The following MYO1F variants were observed in gnomAD, a reference collection of about 807,000 sequenced individuals.
MYO1F encodes the protein unconventional myosin-If.
A neutral mutation model predicts 146.6 loss-of-function variants in MYO1F; 60 were observed. That is an observed-to-expected ratio of 0.41 (90% CI 0.33 to 0.51). The LOEUF is 0.51. MYO1F is among the 20% of genes least tolerant of loss of function. The pLI is 0.25. For synonymous variants in MYO1F, 602 were observed against 602.1 expected, an observed-to-expected ratio of 1.00 and a Z score of 0.00; for missense variants, 1,274 against 1,534.3, an observed-to-expected ratio of 0.83 and a Z score of 2.83.
At chr19:8,545,963 G>A (rs1035304889) in intron 12 of MYO1F, among the ~76,000 whole-genome samples, 15 of 151,686 alleles carry the variant, frequency 9.9e-5, no homozygotes, top group East Asian at 3.9e-4. Flanking sequence ...CAGCTCCCTC[G>A]CTTCTCCGCT....
At position 8,565,597 on chromosome 19, in the gene MYO1F, T is replaced by C. The variant is rs1179952427; in HGVS notation, c.4-9801A>G. On this transcript the variant is annotated intron_variant, in intron 1 of 27. Coordinates refer to ENST00000644032, the MANE Select transcript of MYO1F (RefSeq NM_012335.4). ...ATAAATAATTGTGGGCAAAGTGGCATCATTCATGGGCCTAGTGGGGCAGGA... is the reference window on the plus strand; with the variant it reads ...ATAAATAATTGTGGGCAAAGTGGCACCATTCATGGGCCTAGTGGGGCAGGA... Among the ~76,000 whole-genome samples the C allele has an allele frequency of 3.3e-5, 5 of 151,794 alleles. No homozygotes were observed. In the South Asian group the frequency reaches 6.3e-4, roughly 19 times the overall value.
chr19:8,530,563 A>G lies in MYO1F; in HGVS notation c.2054T>C (p.Leu685Pro). 1 of 1,611,706 alleles carries G rather than the reference A, an allele frequency of 6.2e-7. No individual in the cohort carries two copies. Among genetic ancestry groups the G allele is most frequent in the Non-Finnish European group, 8.5e-7 (1 of 1,179,964 alleles). Reference sequence around the variant, plus strand: ...GAACTTTCGCTCTCGCACCTCCTCCAGGAGGAAAAGCTGGGCGGGGGTCGT... The same window carrying G: ...GAACTTTCGCTCTCGCACCTCCTCCGGGAGGAAAAGCTGGGCGGGGGTCGT... ...FVKNPESLFL[L>P]EEVRERKFDG... The change falls in exon 20 of 28, where the codon CTG becomes CCG. Residue 685 changes from leucine (L) to proline (P), a missense_variant. Physicochemically the swap from Leu to Pro is moderately conservative, Grantham distance 98. This residue lies in a region of MYO1F where 900 missense variants were observed against 1,155.1 expected (regional missense o/e 0.78). Coordinates refer to ENST00000644032, the MANE Select transcript of MYO1F (RefSeq NM_012335.4). The surrounding 1 kb of genome is among the most constrained non-coding windows in gnomAD (Gnocchi z 5.8).
At chr19:8,555,637 C>T (rs777036772) in intron 2 of MYO1F, 22 bp downstream of exon 2, 6 of 1,613,986 alleles carry the variant, frequency 3.7e-6, no homozygotes, top group South Asian at 1.1e-5. Context: ...GCCTGCCCAC[C>T]CCCAGCCTTG....
chr19:8,566,161 C>CTTTTTT (rs781059040), intron 1 of MYO1F, among the ~76,000 whole-genome samples: 51 of 78,348 alleles, frequency 6.5e-4, no homozygotes, highest in East Asian at 1.0e-3. Flanking sequence ...CAGTCTATGT[C>CTTTTTT]TTTTTTTTTT....
At chr19:8,553,894 A>ACACACACACACACACACTCTCTCTCTCT in intron 4 of MYO1F, among the ~76,000 whole-genome samples, 96 of 102,620 alleles carry the variant, frequency 9.4e-4, no homozygotes, top group Admixed American at 1.4e-3. Flanking sequence ...ACACACACAC[A>ACACACACACACACACACTCTCTCTCTCT]CTCTCTCTCT....
intron 25 of MYO1F, among the ~76,000 whole-genome samples, chr19:8,524,118 C>CTAAA (rs1972168689): frequency 2.2e-5 from 1 of 46,018 alleles, no homozygotes. Context: ...GACACCGTCT[C>CTAAA]AAAAAAAAAA....
At chr19:8,537,521 A>C (rs1972780540) in intron 16 of MYO1F, among the ~76,000 whole-genome samples, 1 of 152,108 alleles carries the variant, frequency 6.6e-6, no homozygotes, top group Admixed American at 6.6e-5. Context: ...GGCTCACTGC[A>C]ACCTCCACCA....
At chr19:8,573,080 G>A (rs908604242) in intron 1 of MYO1F, among the ~76,000 whole-genome samples, 7 of 152,036 alleles carry the variant, frequency 4.6e-5, no homozygotes, top group South Asian at 4.1e-4. Context: ...AGGCTGAGGC[G>A]GGCAGATCAC....
intron 1 of MYO1F, among the ~76,000 whole-genome samples, chr19:8,563,100 T>A (rs2041935718): frequency 6.6e-6 from 1 of 151,684 alleles, no homozygotes; most frequent in Non-Finnish European, 1.5e-5. Context: ...CAAGTGATTG[T>A]CCTGTCTCAG....
intron 1 of MYO1F, among the ~76,000 whole-genome samples, chr19:8,561,376 CCCTT>C (rs1555729023): frequency 2.6e-5 from 2 of 75,962 alleles, no homozygotes; most frequent in Non-Finnish European, 5.9e-5. Context: ...CTCCCTCCCT[CCCTT>C]CCCCCCTTCT....
intron 13 of MYO1F, among the ~76,000 whole-genome samples, chr19:8,545,213 G>A (rs1190975708): frequency 6.6e-6 from 1 of 151,908 alleles, no homozygotes; most frequent in South Asian, 2.1e-4. Context: ...TCAGCCTTCC[G>A]GGTAGCTGGG....
rs143347435 is a variant in MYO1F, at chr19:8,530,584, G to T, written c.2044-11C>A. 1 of 1,603,816 alleles carries T rather than the reference G, an allele frequency of 6.2e-7. No individual in the cohort carries two copies. Among genetic ancestry groups the T allele is most frequent in the African/African-American group, 1.3e-5 (1 of 74,940 alleles). On this transcript the variant is annotated splice_polypyrimidine_tract_variant and intron_variant, in intron 19 of 27. Coordinates refer to ENST00000644032, the MANE Select transcript of MYO1F (RefSeq NM_012335.4). The surrounding 1 kb of genome is among the most constrained non-coding windows in gnomAD (Gnocchi z 5.8). Reference sequence around the variant, plus strand: ...CTCCAGGAGGAAAAGCTGGGCGGGGGTCGTGGGGGGCAAGGGTGAGTCCTG... The same window carrying T: ...CTCCAGGAGGAAAAGCTGGGCGGGGTTCGTGGGGGGCAAGGGTGAGTCCTG...
chr19:8,550,115 G>T (rs886975833), intron 10 of MYO1F, 45 bp downstream of exon 10: 3 of 1,601,334 alleles, frequency 1.9e-6, no homozygotes, highest in South Asian at 1.1e-5. Flanking sequence ...AAATGTTTGT[G>T]ACCCCAGAGC....
Position 8,524,853 on chromosome 19 carries a change from C to T in MYO1F, c.2854+626G>A, listed in dbSNP as rs753496911. 8.5e-5 allele frequency among the ~76,000 whole-genome samples: 13 copies of T among 152,220 alleles called. No individual in the cohort carries two copies. The South Asian group carries it at 1.2e-3, about 15-fold the overall frequency. On this transcript the variant is annotated intron_variant, in intron 25 of 27. Transcript: ENST00000644032. ...GAATTTGAGAGAGAAGCAGAGAAAA[C>T]GGCCCAAAGGCCTGGAGGTAAGAAT...
In MYO1F at chr19:8,551,152, A is replaced by G. The variant is rs528169101; in HGVS notation, c.772-458T>C. On this transcript the variant is annotated intron_variant, in intron 8 of 27. Coordinates refer to ENST00000644032, the MANE Select transcript of MYO1F (RefSeq NM_012335.4). ...CTGCAACCTCCACCTCCCGGGTTTA[A>G]GCGATTCTCCTGCCTCAGCCTCCCT... Among the ~76,000 whole-genome samples the G allele has an allele frequency of 3.3e-5, 5 of 151,758 alleles. No homozygotes were observed. In the South Asian group the frequency reaches 1.0e-3, roughly 32 times the overall value.
intron 19 of MYO1F, among the ~76,000 whole-genome samples, chr19:8,532,111 C>T (rs1599925159): frequency 2.6e-5 from 4 of 151,572 alleles, no homozygotes; most frequent in African/African-American, 4.9e-5. Context: ...GAGTGAGACT[C>T]AGTCCCCCGA....
At chr19:8,556,512 G>T (rs894968520) in intron 1 of MYO1F, among the ~76,000 whole-genome samples, 3 of 150,178 alleles carry the variant, frequency 2.0e-5, no homozygotes, top group Non-Finnish European at 4.4e-5. Context: ...GAAAGAGAAA[G>T]AAAGAGAAAG....
At position 8,574,581 on chromosome 19, in the gene MYO1F, CTCTCTCTCTCTCTCTCTTTCTTTCTT is replaced by C. The variant is rs1600072288; in HGVS notation, c.3+2700_3+2725del. 3.2e-4 allele frequency among the ~76,000 whole-genome samples: 31 copies of C among 97,348 alleles called. No homozygotes were observed. In the East Asian group the frequency reaches 6.7e-3, roughly 21 times the overall value. 63.9% of individuals were successfully genotyped at this position (97,348 alleles called of 152,430 possible). A position where few individuals can be genotyped will look rare whatever the true frequency, so the allele number is the denominator to read the frequency against. On this transcript the variant is annotated intron_variant, in intron 1 of 27. Transcript: ENST00000644032. ...TTTCTTTCTTTCTTTCTTTCTTTCT[CTCTCTCTCTCTCTCTCTTTCTTTCTT>C]TCTTTCTTTCTTTCTTTCTTTCTTT...
intron 1 of MYO1F, among the ~76,000 whole-genome samples, chr19:8,571,253 C>T (rs551940179): frequency 7.9e-5 from 12 of 152,346 alleles, no homozygotes; most frequent in African/African-American, 2.4e-4. Flanking sequence ...CCAGACCCTG[C>T]CCTGGTGCCT....
Sources: gnomAD v4.1 joint callset for allele counts (sites outside exome capture counted in the v4.1 genomes callset) on GRCh38, gnomAD v4.1.1 for gene constraint, gnomAD v4.1.1 regional missense constraint, Gnocchi (gnomAD v3.1) non-coding constraint, MANE v1.5 for transcripts, NCBI Gene and HGNC (gene_info 2026-07-23, HGNC 2026-07-21) for gene names.